Variants in ERC2 observed in about 807,000 individuals in gnomAD.
ERC2 encodes the protein ELKS/RAB6-interacting/CAST family member 2.
A neutral mutation model predicts 114.8 loss-of-function variants in ERC2; 42 were observed. The observed-to-expected ratio is 0.37, with a 90% CI of 0.29 to 0.47. ERC2 has a LOEUF of 0.47. Ranked by LOEUF, ERC2 falls within the 20% of genes least tolerant of loss-of-function variation. ERC2 has a pLI of 0.99. For synonymous variants in ERC2, 454 were observed against 425.5 expected, an observed-to-expected ratio of 1.07 and a Z score of -0.82; for missense variants, 939 against 1,150.7, an observed-to-expected ratio of 0.82 and a Z score of 2.66.
chr3:55,997,922 G>GTGTGTGTT (rs1197491005), intron 10 of ERC2, among the ~76,000 whole-genome samples: 8 of 36,098 alleles, frequency 2.2e-4, no homozygotes, highest in Admixed American at 4.2e-4. Flanking sequence ...GTGTGTGTGT[G>GTGTGTGTT]TTTTTTGTTT....
intron 14 of ERC2, among the ~76,000 whole-genome samples, chr3:55,841,733 C>T (rs1342735133): frequency 6.9e-6 from 1 of 144,326 alleles, no homozygotes; most frequent in East Asian, 2.0e-4. Context: ...AAGGTCACAA[C>T]ATTAGAAAGG....
chr3:56,117,883 CA>C (rs1388710271), intron 6 of ERC2, among the ~76,000 whole-genome samples: 1 of 152,172 alleles, frequency 6.6e-6, no homozygotes, highest in East Asian at 1.9e-4. Flanking sequence ...CAATGAGAAC[CA>C]GCTTTTCTAA....
At chr3:56,272,980 G>A (rs1397938013) in intron 3 of ERC2, among the ~76,000 whole-genome samples, 4 of 152,114 alleles carry the variant, frequency 2.6e-5, no homozygotes, top group African/African-American at 9.7e-5. Flanking sequence ...TCTCTGTAAC[G>A]CAATAACCAT....
At chr3:55,847,254 A>G (rs1281490669) in intron 14 of ERC2, among the ~76,000 whole-genome samples, 2 of 152,230 alleles carry the variant, frequency 1.3e-5, no homozygotes, top group South Asian at 2.1e-4. Flanking sequence ...AGCTTTTCCC[A>G]TTGGACATAA....
intron 7 of ERC2, among the ~76,000 whole-genome samples, chr3:56,021,270 AAGGTCTAG>A (rs2073693976): frequency 6.6e-6 from 1 of 152,154 alleles, no homozygotes; most frequent in South Asian, 2.1e-4. Context: ...TTTGTAGGGT[AAGGTCTAG>A]GAGGCAGAAG....
intron 17 of ERC2, among the ~76,000 whole-genome samples, chr3:55,554,499 G>C (rs1395011403): frequency 6.6e-6 from 1 of 152,180 alleles, no homozygotes; most frequent in Non-Finnish European, 1.5e-5. Context: ...GGACTCCTAG[G>C]AACTCTGACA....
chr3:55,845,348 C>CA (rs545243963), intron 14 of ERC2, among the ~76,000 whole-genome samples: 187 of 151,792 alleles, frequency 1.2e-3, no homozygotes, highest in African/African-American at 4.1e-3. Context: ...GCTAATAATA[C>CA]AAAAAATTAG....
At chr3:56,366,340 G>T (rs994156089) in intron 2 of ERC2, among the ~76,000 whole-genome samples, 1 of 152,138 alleles carries the variant, frequency 6.6e-6, no homozygotes, top group Admixed American at 6.6e-5. Flanking sequence ...TGAATAAATA[G>T]CATCTGTTTG....
At chr3:55,755,163 A>G (rs958364641) in intron 14 of ERC2, among the ~76,000 whole-genome samples, 2 of 151,984 alleles carry the variant, frequency 1.3e-5, no homozygotes, top group African/African-American at 2.4e-5. Flanking sequence ...AAGAGGGATT[A>G]TAACTCTCTT....
intron 2 of ERC2, among the ~76,000 whole-genome samples, chr3:56,422,131 G>T (rs994261268): frequency 1.3e-5 from 2 of 152,134 alleles, no homozygotes; most frequent in Non-Finnish European, 1.5e-5. Context: ...CCTGTTGAAG[G>T]CCCCCTGGAC....
chr3:56,360,696 T>A (rs1181515889), intron 2 of ERC2, among the ~76,000 whole-genome samples: 1 of 152,026 alleles, frequency 6.6e-6, no homozygotes, highest in South Asian at 2.1e-4. Context: ...TCATTTGAGG[T>A]CAGGAGTTCA....
chr3:55,986,788 T>C (rs1442126009), intron 11 of ERC2, among the ~76,000 whole-genome samples: 1 of 151,352 alleles, frequency 6.6e-6, no homozygotes, highest in East Asian at 1.9e-4. Flanking sequence ...ATAATCTCTA[T>C]TGTCAAGCAA....
chr3:55,907,548 G>A (rs542581454), intron 13 of ERC2, among the ~76,000 whole-genome samples: 4 of 152,328 alleles, frequency 2.6e-5, no homozygotes, highest in African/African-American at 7.2e-5. Flanking sequence ...GATATAATGT[G>A]TATTCTGTAA....
intron 2 of ERC2, 87 bp downstream of exon 2, chr3:56,434,264 C>G: frequency 7.8e-7 from 1 of 1,282,974 alleles, no homozygotes; most frequent in Non-Finnish European, 1.1e-6. Context: ...AAACTTTCTT[C>G]TGCACAGGTC....
At chr3:56,345,672 G>A (rs73832596) in intron 2 of ERC2, among the ~76,000 whole-genome samples, 2,992 of 152,262 alleles carry the variant, frequency 0.02, 104 homozygotes, top group African/African-American at 0.065. Flanking sequence ...TAGTGGCAGG[G>A]CTCAGCTGTA....
chr3:55,887,851 G>A (rs1256371259), intron 14 of ERC2, among the ~76,000 whole-genome samples: 2 of 152,236 alleles, frequency 1.3e-5, no homozygotes, highest in Non-Finnish European at 2.9e-5. Context: ...GTGTGGCGGG[G>A]TGTGGGATTT....
chr3:55,984,121 A>G (rs974680989), intron 12 of ERC2, among the ~76,000 whole-genome samples: 3 of 152,152 alleles, frequency 2.0e-5, no homozygotes, highest in African/African-American at 7.2e-5. Flanking sequence ...TTGGAATGAT[A>G]TGAACCTTGA....
chr3:56,327,843 G>A (rs182103155), intron 2 of ERC2, among the ~76,000 whole-genome samples: 1 of 152,296 alleles, frequency 6.6e-6, no homozygotes, highest in East Asian at 1.9e-4. Flanking sequence ...AAGGCAAGGA[G>A]GAACCTCAGG....
In ERC2 at chr3:55,903,544, T is replaced by C. The variant is rs190828688; in HGVS notation, c.2404-14995A>G. Reference sequence around the variant, plus strand: ...TTCCTCTCATTTCTTCAAGAATATATAGCTATAATAAAACCATGATACCCA... The same window carrying C: ...TTCCTCTCATTTCTTCAAGAATATACAGCTATAATAAAACCATGATACCCA... On this transcript the variant is annotated intron_variant, in intron 13 of 17. Coordinates refer to ENST00000288221, the MANE Select transcript of ERC2 (RefSeq NM_015576.3). Among the ~76,000 whole-genome samples the C allele has an allele frequency of 2.5e-4, 38 of 152,344 alleles. No individual in the cohort carries two copies. In the Middle Eastern group the frequency reaches 0.01, roughly 41 times the overall value.
Sources: gnomAD v4.1 joint callset for allele counts (sites outside exome capture counted in the v4.1 genomes callset) on GRCh38, gnomAD v4.1.1 for gene constraint, MANE v1.5 for transcripts, NCBI Gene and HGNC (gene_info 2026-07-23, HGNC 2026-07-21) for gene names.